Variants in FER1L6 observed in about 807,000 individuals in gnomAD.
FER1L6 encodes the protein fer-1-like protein 6.
FER1L6 carries 177 observed loss-of-function variants against 219.2 expected under a neutral mutation model. The observed-to-expected ratio is 0.81, with a 90% CI of 0.71 to 0.91. The LOEUF is 0.91. Among genes scored for constraint, FER1L6 ranks in the 40% least tolerant of loss-of-function variants. The pLI is 0.00. For synonymous variants in FER1L6, 768 were observed against 824.3 expected (o/e 0.93, Z 1.17); for missense variants, 2,153 against 2,259.9 (o/e 0.95, Z 0.96).
chr8:124,118,139 G>GCATTC (rs1823324803), intron 39 of FER1L6, among the ~76,000 whole-genome samples: 2 of 152,096 alleles, frequency 1.3e-5, no homozygotes, highest in African/African-American at 4.8e-5. Flanking sequence ...GCATACAAAG[G>GCATTC]ATCCCCAAAA....
In FER1L6 at chr8:123,966,072, G is replaced by T; in HGVS notation, c.252+11G>T. 1 of 1,613,502 alleles carries T rather than the reference G, an allele frequency of 6.2e-7. No homozygotes were observed. ...TCCCAAAATTATCAAGTAAGTGATT[G>T]GCTCTTCCTGCCCAGCCTCCCCCAG... On this transcript the variant is annotated intron_variant, in intron 4 of 40. Transcript: ENST00000522917.
chr8:124,080,175 C>T (rs1285156095), intron 32 of FER1L6, among the ~76,000 whole-genome samples: 9 of 152,184 alleles, frequency 5.9e-5, no homozygotes, highest in Admixed American at 3.9e-4. Context: ...ATGCTTTCAC[C>T]GTCTCAGTTT....
At chr8:123,977,697 GT>G (rs1482996120) in intron 10 of FER1L6, 88 bp downstream of exon 10, 2 of 1,202,404 alleles carry the variant, frequency 1.7e-6, no homozygotes, top group Non-Finnish European at 2.3e-6. Flanking sequence ...TAGAGCAGCA[GT>G]CCCCAGCCTT....
chr8:124,106,597 C>T (rs1174719238), intron 39 of FER1L6, among the ~76,000 whole-genome samples: 1 of 152,076 alleles, frequency 6.6e-6, no homozygotes, highest in African/African-American at 2.4e-5. Flanking sequence ...GCCTGGATTG[C>T]CTTAGCCCCT....
At chr8:123,965,884 AGAT>A in intron 3 of FER1L6, 120 bp from the exon 4 acceptor site, 1 of 876,832 alleles carries the variant, frequency 1.1e-6, no homozygotes, top group South Asian at 1.8e-5. Flanking sequence ...TCTCCCCCAG[AGAT>A]GTAGACAGAA....
At chr8:123,993,820 C>G (rs1317889061) in intron 12 of FER1L6, among the ~76,000 whole-genome samples, 2 of 152,206 alleles carry the variant, frequency 1.3e-5, no homozygotes, top group African/African-American at 4.8e-5. Context: ...GGTCTGTCCT[C>G]AAGTCTCCCA....
intron 19 of FER1L6, among the ~76,000 whole-genome samples, 180 bp downstream of exon 19, chr8:124,035,634 AAG>A (rs1819165171): frequency 6.6e-6 from 1 of 152,252 alleles, no homozygotes; most frequent in Non-Finnish European, 1.5e-5. Context: ...CCCATCTAAA[AAG>A]AGTAAAATCA....
rs1814390835 is a variant in FER1L6 at position 123,944,383 on chromosome 8, G to A, written c.-7-11609G>A. Among the ~76,000 whole-genome samples, 3 of 151,140 alleles carry A rather than the reference G, an allele frequency of 2.0e-5. No homozygotes were observed. The South Asian group carries it at 6.2e-4, about 31-fold the overall frequency. On this transcript the variant is annotated intron_variant, in intron 1 of 40. Coordinates refer to ENST00000522917, the MANE Select transcript of FER1L6 (RefSeq NM_001039112.2). ...AAGTATATTGGCTCAATCCCAGTGT[G>A]GTGTAGAAGGAGAAGCATTCAGTCA...
intron 22 of FER1L6, among the ~76,000 whole-genome samples, chr8:124,059,346 T>C (rs1820451994): frequency 6.6e-6 from 1 of 152,202 alleles, no homozygotes; most frequent in Non-Finnish European, 1.5e-5. Context: ...GTCCTCTATT[T>C]CTGCACAAAA....
chr8:124,076,254 C>G lies in FER1L6; in HGVS notation c.4149C>G (p.Ile1383Met), dbSNP rs185275862. Residue 1383 changes from isoleucine (I) to methionine (M), a missense_variant, in exon 32 of 41, where the codon ATC (isoleucine) becomes ATG (methionine). Coordinates refer to ENST00000522917, the MANE Select transcript of FER1L6 (RefSeq NM_001039112.2). ...PDGKSDPYIV[I>M]KLGKTEIKDR... ...GCAAATCAGATCCCTACATTGTGAT[C>G]AAGCTTGGCAAGACAGAAATCAAAG... is the stretch of plus-strand genomic sequence containing the variant. 1.2e-6 allele frequency: 2 copies of G among 1,614,074 alleles called. No individual in the cohort carries two copies. Among genetic ancestry groups the G allele is most frequent in the Admixed American group, 1.7e-5 (1 of 60,026 alleles).
chr8:123,881,601 C>A (rs1817112119), intron 1 of FER1L6, among the ~76,000 whole-genome samples: 1 of 152,170 alleles, frequency 6.6e-6, no homozygotes, highest in South Asian at 2.1e-4. Flanking sequence ...TTAGTGCCAC[C>A]ACCCAGCCAT....
intron 1 of FER1L6, among the ~76,000 whole-genome samples, chr8:123,908,824 T>C (rs1030127002): frequency 2.6e-5 from 4 of 152,172 alleles, no homozygotes; most frequent in Admixed American, 6.5e-5. Flanking sequence ...GGAGGAGTGA[T>C]TGTTGGAGAG....
At chr8:124,077,029 G>A (rs1281479048) in intron 32 of FER1L6, among the ~76,000 whole-genome samples, 1 of 152,196 alleles carries the variant, frequency 6.6e-6, no homozygotes, top group African/African-American at 2.4e-5. Flanking sequence ...GATGTGCTAA[G>A]CATTGGTGTT....
At chr8:123,905,035 T>A (rs1441227031) in intron 1 of FER1L6, among the ~76,000 whole-genome samples, 1 of 152,214 alleles carries the variant, frequency 6.6e-6, no homozygotes, top group African/African-American at 2.4e-5. Flanking sequence ...GGTCCAGCCA[T>A]TGAGTTTCAT....
At chr8:123,877,005 G>T (rs185896222) in intron 1 of FER1L6, among the ~76,000 whole-genome samples, 20 of 152,282 alleles carry the variant, frequency 1.3e-4, no homozygotes, top group African/African-American at 4.3e-4. Context: ...TCTGCATCCT[G>T]CACTCAGAGC....
chr8:123,945,107 T>C (rs1814430891), intron 1 of FER1L6, among the ~76,000 whole-genome samples: 1 of 152,194 alleles, frequency 6.6e-6, no homozygotes, highest in African/African-American at 2.4e-5. Flanking sequence ...TTTATTGTGT[T>C]CCCTGAGTTC....
chr8:123,941,927 T>C (rs1233578986), intron 1 of FER1L6, among the ~76,000 whole-genome samples: 1 of 152,054 alleles, frequency 6.6e-6, no homozygotes, highest in South Asian at 2.1e-4. Context: ...AAATAATCAC[T>C]TCCCCCAGTG....
At chr8:123,966,359 C>T (rs1307566371) in intron 5 of FER1L6, 69 bp downstream of exon 5, 2 of 1,588,656 alleles carry the variant, frequency 1.3e-6, no homozygotes, top group East Asian at 4.5e-5. Flanking sequence ...CAGGATCCTT[C>T]AGTCAAACAA....
intron 39 of FER1L6, among the ~76,000 whole-genome samples, chr8:124,107,591 C>T (rs1229307379): frequency 6.6e-6 from 1 of 152,166 alleles, no homozygotes; most frequent in Non-Finnish European, 1.5e-5. Flanking sequence ...TGATTTTTTA[C>T]CTTCTCTCCA....
Sources: allele counts gnomAD v4.1 joint callset (sites outside exome capture counted in the v4.1 genomes callset), GRCh38; gene constraint gnomAD v4.1.1; transcripts MANE v1.5; gene names NCBI Gene and HGNC (gene_info 2026-07-23, HGNC 2026-07-21).